The following ATE1 variants were observed in gnomAD, a reference collection of about 807,000 sequenced individuals.
ATE1 encodes the protein arginyl-tRNA--protein transferase 1.
ATE1 carries 36 observed loss-of-function variants against 70.5 expected under a neutral mutation model. The observed-to-expected ratio is 0.51, with a 90% CI of 0.39 to 0.67. The LOEUF (loss-of-function observed/expected upper bound fraction) is 0.67, where lower values mean the gene tolerates loss of function less well. Among genes scored for constraint, ATE1 ranks in the 30% least tolerant of loss-of-function variants. The probability of loss-of-function intolerance (pLI) is 0.00; values close to 1 mark genes in which losing one functional copy is unlikely to be tolerated. For synonymous variants in ATE1, 232 were observed against 219.3 expected (o/e 1.06, Z -0.51); for missense variants, 593 against 629.5 (o/e 0.94, Z 0.62).
rs906978647 is a variant in ATE1 at position 121,876,290 on chromosome 10, A to C, written c.943-6252T>G. On this transcript the variant is annotated intron_variant, in intron 7 of 11. Transcript: ENST00000224652. ...GCTAGTTATAAATGTTTTGCTCTAA[A>C]TGTTGATTTCAAAGTTTGCTAACAC... 3.3e-5 allele frequency among the ~76,000 whole-genome samples: 5 copies of C among 152,338 alleles called. No individual in the cohort carries two copies. The East Asian group carries it at 7.7e-4, about 23-fold the overall frequency.
chr10:121,877,927 G>A (rs535985779), intron 7 of ATE1, among the ~76,000 whole-genome samples: 10 of 152,284 alleles, frequency 6.6e-5, no homozygotes, highest in East Asian at 1.9e-4. Context: ...CAAAAGATAC[G>A]TACAAGAATG....
intron 10 of ATE1, among the ~76,000 whole-genome samples, chr10:121,831,379 T>A (rs1204371401): frequency 1.3e-5 from 2 of 152,220 alleles, no homozygotes; most frequent in South Asian, 2.1e-4. Context: ...GTTATTTACA[T>A]CATTATCAGC....
chr10:121,912,345 T>A (rs1312131081), intron 4 of ATE1, among the ~76,000 whole-genome samples: 1 of 151,462 alleles, frequency 6.6e-6, no homozygotes, highest in Non-Finnish European at 1.5e-5. Context: ...CAACCAAATA[T>A]AAACACTACA....
At chr10:121,837,961 T>C (rs1243211880) in intron 9 of ATE1, among the ~76,000 whole-genome samples, 2 of 152,120 alleles carry the variant, frequency 1.3e-5, no homozygotes, top group Non-Finnish European at 2.9e-5. Flanking sequence ...CCCCAAACCT[T>C]GGAGTCACCC....
intron 11 of ATE1, among the ~76,000 whole-genome samples, chr10:121,771,713 T>C (rs1945525181): frequency 6.6e-6 from 1 of 152,202 alleles, no homozygotes; most frequent in Non-Finnish European, 1.5e-5. Flanking sequence ...AGGTCCTTTT[T>C]AAAAAATGCA....
intron 11 of ATE1, among the ~76,000 whole-genome samples, chr10:121,784,858 C>CAAA (rs1450290785): frequency 1.3e-5 from 2 of 150,288 alleles, no homozygotes; most frequent in African/African-American, 4.9e-5. Context: ...GACTCCATCA[C>CAAA]AAAAAAAGAA....
intron 3 of ATE1, among the ~76,000 whole-genome samples, chr10:121,920,060 A>C (rs539828290): frequency 6.6e-6 from 1 of 152,306 alleles, no homozygotes; most frequent in East Asian, 1.9e-4. Flanking sequence ...ATGGACAAAA[A>C]ACTGTTTAAT....
At chr10:121,753,453 TG>T (rs1462061141) in intron 11 of ATE1, among the ~76,000 whole-genome samples, 2 of 152,184 alleles carry the variant, frequency 1.3e-5, no homozygotes, top group African/African-American at 4.8e-5. Context: ...TTTATCAAGA[TG>T]ATTCTAGCCA....
chr10:121,829,813 A>T (rs12358253), intron 10 of ATE1, among the ~76,000 whole-genome samples: 45,884 of 152,202 alleles, frequency 0.3, 8,330 homozygotes, highest in Middle Eastern at 0.44. Flanking sequence ...AGATTTTTCC[A>T]TGTATACTTT....
At chr10:121,881,950 A>C (rs7901560) in intron 7 of ATE1, among the ~76,000 whole-genome samples, 68,075 of 151,746 alleles carry the variant, frequency 0.45, 16,009 homozygotes, top group South Asian at 0.53. Context: ...CACGTCGCCA[A>C]ACCCGGCTAA....
intron 10 of ATE1, among the ~76,000 whole-genome samples, chr10:121,832,627 G>A (rs1347492787): frequency 6.6e-6 from 1 of 152,108 alleles, no homozygotes; most frequent in Non-Finnish European, 1.5e-5. Flanking sequence ...ATTTTCTCTT[G>A]CCACCGCCAC....
At chr10:121,751,825 A>AT (rs1430481246) in intron 11 of ATE1, among the ~76,000 whole-genome samples, 4 of 151,956 alleles carry the variant, frequency 2.6e-5, no homozygotes, top group Admixed American at 6.6e-5. Context: ...CAATTTATCA[A>AT]TTTTTTTTCT....
At chr10:121,849,123 AT>A (rs1948957282) in intron 8 of ATE1, among the ~76,000 whole-genome samples, 1 of 151,068 alleles carries the variant, frequency 6.6e-6, no homozygotes, top group Non-Finnish European at 1.5e-5. Flanking sequence ...AGGCACGAGA[AT>A]TGCTTGATCC....
At chr10:121,840,023 T>G (rs1948571169) in intron 9 of ATE1, among the ~76,000 whole-genome samples, 1 of 151,982 alleles carries the variant, frequency 6.6e-6, no homozygotes, top group East Asian at 1.9e-4. Flanking sequence ...AGACTCAAGC[T>G]CCCAGATAAA....
intron 11 of ATE1, among the ~76,000 whole-genome samples, chr10:121,786,541 C>A (rs1241639552): frequency 6.6e-6 from 1 of 151,816 alleles, no homozygotes; most frequent in East Asian, 1.9e-4. Flanking sequence ...TGGTGATGTG[C>A]ACCTGTAGTC....
At chr10:121,910,864 G>A in intron 5 of ATE1, 42 bp downstream of exon 5, 2 of 1,611,672 alleles carry the variant, frequency 1.2e-6, no homozygotes, top group Middle Eastern at 1.7e-4. Flanking sequence ...TCAGCAAAAA[G>A]CAAAGCCGTG....
chr10:121,841,194 T>G lies in ATE1; in HGVS notation c.1045A>C (p.Lys349Gln), dbSNP rs201496150. 1.3e-6 allele frequency: 2 copies of G among 1,599,318 alleles called. No individual in the cohort carries two copies. The highest frequency in any genetic ancestry group is 4.5e-5 in the East Asian group (2 of 44,588). The change falls in exon 9 of 12, where the codon AAG (lysine) becomes CAG (glutamine). Residue 349 changes from lysine to glutamine, a missense_variant. Transcript: ENST00000224652. Reference protein sequence around the residue: ...SFHQQYWLDGKIIAVGVIDIL... With the variant: ...SFHQQYWLDGQIIAVGVIDIL... ...TCAATCACCCCCACAGCAATGATCTTTCCGTCAAGCCAGTACTGCTGGTGA... is the reference window on the plus strand; with the variant it reads ...TCAATCACCCCCACAGCAATGATCTGTCCGTCAAGCCAGTACTGCTGGTGA...
Position 121,922,372 on chromosome 10 carries a change from T to A in ATE1, c.210A>T (p.Thr70=), listed in dbSNP as rs562713836. The A allele has an allele frequency of 1.6e-5, 26 of 1,599,622 alleles. No homozygotes were observed. The South Asian group carries it at 2.9e-4, about 18-fold the overall frequency. The change falls in exon 3 of 12, where the codon ACA becomes ACT. Residue 70 remains threonine (T), a synonymous_variant. Transcript: ENST00000224652. ...KYVYKPVMNQ[T]CCPQYTIRCR... ...ACCTTATTGTGTACTGAGGACAACA[T>A]GTTTGATTCATGACAGGTTTGTACA...
chr10:121,851,366 A>G (rs1425494974), intron 8 of ATE1, among the ~76,000 whole-genome samples: 1 of 151,814 alleles, frequency 6.6e-6, no homozygotes, highest in Non-Finnish European at 1.5e-5. Context: ...GTTGCGGTGA[A>G]GCGAGATCGT....
Sources: allele counts gnomAD v4.1 joint callset (sites outside exome capture counted in the v4.1 genomes callset), GRCh38; gene constraint gnomAD v4.1.1; transcripts MANE v1.5; gene names NCBI Gene and HGNC (gene_info 2026-07-23, HGNC 2026-07-21).